SH3RF3: variants seen among roughly 807,000 people sequenced by gnomAD.
The protein encoded by SH3RF3 is SH3 domain containing ring finger 3, also known as E3 ubiquitin-protein ligase SH3RF3.
SH3RF3 carries 29 observed loss-of-function variants against 66.3 expected under a neutral mutation model. That is an observed-to-expected ratio of 0.44 (90% CI 0.33 to 0.60). SH3RF3 has a LOEUF of 0.60. Ranked by LOEUF, SH3RF3 falls within the 20% of genes least tolerant of loss-of-function variation. The probability of loss-of-function intolerance (pLI) is 0.04; values close to 1 mark genes in which losing one functional copy is unlikely to be tolerated. For missense variants in SH3RF3, 1,194 were observed against 1,190.9 expected (o/e 1.00, Z -0.04); for synonymous variants, 583 against 532.0 (o/e 1.10, Z -1.32).
chr2:109,170,659 A>G (rs972213514), intron 1 of SH3RF3, among the ~76,000 whole-genome samples: 13 of 152,034 alleles, frequency 8.6e-5, no homozygotes, highest in Admixed American at 6.6e-4. Flanking sequence ...CAAACAGAAT[A>G]TTTCCTAAGG....
intron 5 of SH3RF3, among the ~76,000 whole-genome samples, chr2:109,421,659 C>G (rs1206834076): frequency 6.6e-6 from 1 of 152,196 alleles, no homozygotes; most frequent in Non-Finnish European, 1.5e-5. Flanking sequence ...TGGGCTTCTC[C>G]CCCAGGGGAG....
At chr2:109,457,719 T>C (rs868069695) in intron 8 of SH3RF3, among the ~76,000 whole-genome samples, 5 of 152,244 alleles carry the variant, frequency 3.3e-5, no homozygotes, top group African/African-American at 4.8e-5. Context: ...TCAACTGATA[T>C]ATTCTCACAG....
At chr2:109,287,964 T>C (rs180913280) in intron 1 of SH3RF3, among the ~76,000 whole-genome samples, 21 of 152,366 alleles carry the variant, frequency 1.4e-4, no homozygotes, top group African/African-American at 4.6e-4. Context: ...AGAGAAAGGT[T>C]CAAGTTCTTA....
chr2:109,322,438 T>C lies in SH3RF3; in HGVS notation c.574-25236T>C, dbSNP rs907492209. 2.6e-5 allele frequency among the ~76,000 whole-genome samples: 4 copies of C among 152,180 alleles called. No homozygotes were observed. The East Asian group carries it at 7.7e-4, about 29-fold the overall frequency. On this transcript the variant is annotated intron_variant, in intron 1 of 9. Transcript: ENST00000309415. The stretch of plus-strand genomic sequence containing the variant: ...TGAACTAGGAGGCGGGTGAGTTGTC[T>C]TTGCCTGAGAGTTGAGCTTAAATCA...
At chr2:109,469,793 G>A (rs539364812) in intron 8 of SH3RF3, among the ~76,000 whole-genome samples, 9 of 152,172 alleles carry the variant, frequency 5.9e-5, no homozygotes, top group South Asian at 2.1e-4. Context: ...CCAGAAAACC[G>A]TGCTTTTCCT....
intron 1 of SH3RF3, among the ~76,000 whole-genome samples, chr2:109,239,744 G>T (rs1370510188): frequency 2.0e-5 from 3 of 152,228 alleles, no homozygotes; most frequent in African/African-American, 7.2e-5. Context: ...GGAGCCACCT[G>T]TGGAAAGGAG....
At chr2:109,292,152 C>A (rs570146762) in intron 1 of SH3RF3, among the ~76,000 whole-genome samples, 2 of 152,202 alleles carry the variant, frequency 1.3e-5, no homozygotes, top group Non-Finnish European at 2.9e-5. Context: ...CGTGAGCTAC[C>A]GTGCCTGGCC....
chr2:109,153,629 G>A lies in SH3RF3; in HGVS notation c.573+23516G>A, dbSNP rs183716306. On this transcript the variant is annotated intron_variant, in intron 1 of 9. Transcript: ENST00000309415. ...GAAGCTGCCGCTGTGAAAGAGTGTG[G>A]CATAGTAAAACATGAGATCACCCCA... Among the ~76,000 whole-genome samples the A allele has an allele frequency of 6.6e-5, 10 of 152,234 alleles. 2 individuals are homozygous for A. Among genetic ancestry groups the A allele is most frequent in the African/African-American group, 2.4e-4 (10 of 41,522 alleles).
chr2:109,269,490 T>C (rs934309054), intron 1 of SH3RF3, among the ~76,000 whole-genome samples: 1 of 152,186 alleles, frequency 6.6e-6, no homozygotes, highest in Non-Finnish European at 1.5e-5. Flanking sequence ...GCTTAAAAGA[T>C]AGTTGCCAAG....
intron 2 of SH3RF3, among the ~76,000 whole-genome samples, chr2:109,360,305 T>C (rs1317214784): frequency 1.3e-5 from 2 of 152,206 alleles, no homozygotes; most frequent in Non-Finnish European, 2.9e-5. Flanking sequence ...AATGATTGCT[T>C]ATTGGTAGCA....
Position 109,489,425 on chromosome 2 carries a change from A to C in SH3RF3, c.2149-1180A>C, listed in dbSNP as rs1036021773. On this transcript the variant is annotated intron_variant, in intron 8 of 9. Coordinates refer to ENST00000309415, the MANE Select transcript of SH3RF3 (RefSeq NM_001099289.3). ...TTGTGCTCTTAGACAACCAGACCCCAGCGTGGCTTGGGCCTCACGGAAAGT... is the reference window on the plus strand; with the variant it reads ...TTGTGCTCTTAGACAACCAGACCCCCGCGTGGCTTGGGCCTCACGGAAAGT... Among the ~76,000 whole-genome samples the C allele has an allele frequency of 8.5e-5, 13 of 152,244 alleles. No homozygotes were observed. In the East Asian group the frequency reaches 2.5e-3, roughly 29 times the overall value.
intron 3 of SH3RF3, among the ~76,000 whole-genome samples, chr2:109,388,343 C>T (rs1362123206): frequency 1.3e-5 from 2 of 152,140 alleles, no homozygotes; most frequent in Non-Finnish European, 2.9e-5. Context: ...GGAACACATC[C>T]TAAAGAAAAG....
intron 7 of SH3RF3, among the ~76,000 whole-genome samples, chr2:109,447,013 T>C (rs1677724451): frequency 6.6e-6 from 1 of 151,882 alleles, no homozygotes; most frequent in Non-Finnish European, 1.5e-5. Context: ...GAGTCAGGGT[T>C]TCCAGGGTGA....
chr2:109,203,429 G>T (rs758502593), intron 1 of SH3RF3, among the ~76,000 whole-genome samples: 8 of 152,208 alleles, frequency 5.3e-5, no homozygotes, highest in Non-Finnish European at 7.3e-5. Flanking sequence ...CTGTGGTCAG[G>T]CGATCACTGT....
chr2:109,338,341 A>T (rs550688909), intron 1 of SH3RF3, among the ~76,000 whole-genome samples: 1 of 152,160 alleles, frequency 6.6e-6, no homozygotes, highest in East Asian at 1.9e-4. Context: ...AAGAAGCTTC[A>T]TGGCCACCCT....
intron 3 of SH3RF3, among the ~76,000 whole-genome samples, chr2:109,391,003 G>A (rs961273872): frequency 3.3e-5 from 5 of 152,214 alleles, no homozygotes; most frequent in Non-Finnish European, 5.9e-5. Context: ...ACCCAGAGGC[G>A]GACAAGGTGG....
At chr2:109,412,152 C>T (rs920182812) in intron 4 of SH3RF3, among the ~76,000 whole-genome samples, 2 of 152,236 alleles carry the variant, frequency 1.3e-5, no homozygotes, top group Non-Finnish European at 2.9e-5. Flanking sequence ...AGCCTTCGGC[C>T]GCCGTGGTCC....
At chr2:109,353,129 T>C (rs538805967) in intron 2 of SH3RF3, among the ~76,000 whole-genome samples, 1 of 152,350 alleles carries the variant, frequency 6.6e-6, no homozygotes, top group Admixed American at 6.5e-5. Context: ...CCCGGAGTCA[T>C]GGCAAAGTTG....
At chr2:109,230,597 G>A (rs1352639955) in intron 1 of SH3RF3, among the ~76,000 whole-genome samples, 1 of 152,126 alleles carries the variant, frequency 6.6e-6, no homozygotes, top group African/African-American at 2.4e-5. Context: ...AAATAGGAAA[G>A]AAAAGAAACT....
Sources: gnomAD v4.1 joint callset for allele counts (sites outside exome capture counted in the v4.1 genomes callset) on GRCh38, gnomAD v4.1.1 for gene constraint, MANE v1.5 for transcripts, NCBI Gene and HGNC (gene_info 2026-07-23, HGNC 2026-07-21) for gene names.